SP140L: variants seen among roughly 807,000 people sequenced by gnomAD.
SP140L encodes nuclear body protein SP140-like protein.
A neutral mutation model predicts 84.3 loss-of-function variants in SP140L; 64 were observed. The observed-to-expected ratio is 0.76, with a 90% CI of 0.62 to 0.94. The LOEUF (loss-of-function observed/expected upper bound fraction) is 0.94. Ranked by LOEUF, SP140L falls within the 40% of genes least tolerant of loss-of-function variation. The pLI is 0.00. For synonymous variants in SP140L, 242 were observed against 236.9 expected (o/e 1.02, Z -0.20); for missense variants, 628 against 692.5 (o/e 0.91, Z 1.05).
rs1214926515 is a variant in SP140L at position 230,390,028 on chromosome 2, G to C, written c.964+5G>C. 3 of 1,609,010 alleles carry C rather than the reference G, an allele frequency of 1.9e-6. No individual in the cohort carries two copies. Among genetic ancestry groups the C allele is most frequent in the Non-Finnish European group, 2.5e-6 (3 of 1,177,166 alleles). ...ATAAGGAGAAATTGGAACAAGGTGG[G>C]TTTCATAGTCTTCTTTAATTTGCAG... is the stretch of plus-strand genomic sequence containing the variant. On this transcript the variant is annotated splice_donor_5th_base_variant and intron_variant, in intron 11 of 18. Transcript: ENST00000415673.
intron 2 of SP140L, among the ~76,000 whole-genome samples, chr2:230,347,792 C>G (rs2060253358): frequency 6.6e-6 from 1 of 152,216 alleles, no homozygotes; most frequent in African/African-American, 2.4e-5. Flanking sequence ...ACTAGGCACC[C>G]AAGCCAGTTA....
Position 230,400,548 on chromosome 2 carries a change from A to G in SP140L, c.1313+306A>G, listed in dbSNP as rs1330101472. The G allele has an allele frequency of 6.4e-6, 3 of 466,858 alleles. No homozygotes were observed. In the East Asian group the frequency reaches 1.2e-4, roughly 19 times the overall value. The allele number at this position is 466,858 out of a possible 1,614,324, so 28.9% of individuals were successfully genotyped here. On this transcript the variant is annotated intron_variant, in intron 15 of 18. Transcript: ENST00000415673. ...GGTCTCCTGTCCCAGGGGGTTGAGG[A>G]AAAAAAACACCAGTTGTTTATATTT... is the stretch of plus-strand genomic sequence containing the variant.
chr2:230,330,312 C>A (rs1271216570), intron 2 of SP140L, among the ~76,000 whole-genome samples: 2 of 152,148 alleles, frequency 1.3e-5, no homozygotes, highest in African/African-American at 2.4e-5. Context: ...ACCAGGTGGC[C>A]ATAGAGGCAG....
Position 230,400,293 on chromosome 2 carries a change from T to A in SP140L, c.1313+51T>A, listed in dbSNP as rs754072626. The stretch of plus-strand genomic sequence containing the variant: ...TTCATCCTTTAAGGGACCTTCCACC[T>A]GCCATGCGCACTCTCCAGCAGAATG... On this transcript the variant is annotated intron_variant, in intron 15 of 18. Coordinates refer to ENST00000415673, the MANE Select transcript of SP140L (RefSeq NM_138402.6). The A allele has an allele frequency of 2.1e-5, 33 of 1,560,090 alleles. No homozygotes were observed. In the East Asian group the frequency reaches 7.2e-4, roughly 34 times the overall value.
intron 8 of SP140L, among the ~76,000 whole-genome samples, 194 bp downstream of exon 8, chr2:230,383,769 T>C (rs2061482775): frequency 6.6e-6 from 1 of 152,186 alleles, no homozygotes; most frequent in South Asian, 2.1e-4. Flanking sequence ...CTAATGCATG[T>C]AATAGTCCAG....
intron 15 of SP140L, 163 bp from the exon 16 acceptor site, chr2:230,400,792 G>A: frequency 1.3e-6 from 2 of 1,512,414 alleles, no homozygotes; most frequent in Non-Finnish European, 1.8e-6. Context: ...AAAGGCCAGT[G>A]GCTGGAGACC....
chr2:230,352,405 A>G (rs2060390646), intron 2 of SP140L, among the ~76,000 whole-genome samples: 1 of 152,202 alleles, frequency 6.6e-6, no homozygotes, highest in Admixed American at 6.5e-5. Flanking sequence ...GGTGAAGGGA[A>G]GCAGGCACCT....
intron 7 of SP140L, among the ~76,000 whole-genome samples, chr2:230,379,969 A>T (rs6738151): frequency 0.23 from 34,880 of 152,062 alleles, 4,200 homozygotes; most frequent in Non-Finnish European, 0.28. Flanking sequence ...AGATTCACAA[A>T]TAACATTGTA....
chr2:230,388,507 T>C, intron 9 of SP140L, 52 bp from the exon 10 acceptor site: 1 of 1,481,006 alleles, frequency 6.8e-7, no homozygotes, highest in Non-Finnish European at 9.2e-7. Context: ...CAGCAATATA[T>C]GTAACACAGC....
chr2:230,368,409 A>G (rs888891029), intron 5 of SP140L, among the ~76,000 whole-genome samples: 2 of 152,086 alleles, frequency 1.3e-5, no homozygotes, highest in African/African-American at 4.8e-5. Flanking sequence ...ATCCTCTCTA[A>G]GTTCTTGAAT....
In SP140L at chr2:230,387,056, A is replaced by G. The variant is rs115178108; in HGVS notation, c.785-1503A>G. On this transcript the variant is annotated intron_variant, in intron 9 of 18. Coordinates refer to ENST00000415673, the MANE Select transcript of SP140L (RefSeq NM_138402.6). ...GAGTCCACTTGGCATCTTGCGTGGG[A>G]GAGGAGGGGAGGAGAGCTTCTCAGA... is the stretch of plus-strand genomic sequence containing the variant. Among the ~76,000 whole-genome samples, 637 of 152,246 alleles carry G rather than the reference A, an allele frequency of 4.2e-3. 7 individuals are homozygous for G. Among genetic ancestry groups the G allele is most frequent in the African/African-American group, 0.014 (586 of 41,544 alleles).
At chr2:230,337,811 G>A (rs184323938) in intron 2 of SP140L, among the ~76,000 whole-genome samples, 3,612 of 152,096 alleles carry the variant, frequency 0.024, 147 homozygotes, top group African/African-American at 0.082. Flanking sequence ...TTGTAGATAC[G>A]CAGCGTTATT....
intron 4 of SP140L, among the ~76,000 whole-genome samples, 181 bp from the exon 5 acceptor site, chr2:230,361,433 G>A (rs1048893996): frequency 1.3e-5 from 2 of 152,048 alleles, no homozygotes; most frequent in Non-Finnish European, 2.9e-5. Context: ...CCCTTTCTGT[G>A]TAGGACACAT....
intron 2 of SP140L, among the ~76,000 whole-genome samples, chr2:230,346,738 T>C (rs895739223): frequency 1.2e-4 from 18 of 152,200 alleles, no homozygotes; most frequent in Admixed American, 1.2e-3. Context: ...GTTTGTTTAA[T>C]GGTTCCTATT....
intron 11 of SP140L, among the ~76,000 whole-genome samples, chr2:230,390,810 A>G (rs1360006301): frequency 6.6e-6 from 1 of 152,196 alleles, no homozygotes; most frequent in African/African-American, 2.4e-5. Flanking sequence ...TTGTACAGCC[A>G]TTATTATCAC....
chr2:230,389,652 C>G (rs1240511553), intron 10 of SP140L, among the ~76,000 whole-genome samples: 1 of 152,162 alleles, frequency 6.6e-6, no homozygotes, highest in Non-Finnish European at 1.5e-5. Flanking sequence ...GTGGAGCTTA[C>G]TACACTGGAA....
intron 2 of SP140L, among the ~76,000 whole-genome samples, chr2:230,344,698 T>A (rs2060159107): frequency 6.6e-6 from 1 of 152,252 alleles, no homozygotes; most frequent in Non-Finnish European, 1.5e-5. Flanking sequence ...TTCCATAGTG[T>A]TTTGTTTTCA....
In SP140L at chr2:230,343,975, T is replaced by C. The variant is rs144005732; in HGVS notation, c.108-13830T>C. On this transcript the variant is annotated intron_variant, in intron 2 of 18. Coordinates refer to ENST00000415673, the MANE Select transcript of SP140L (RefSeq NM_138402.6). Reference sequence around the variant, plus strand: ...CAACTTTTGACTAAGTGCTGTGTGGTGATGGGAAGAATGTGTATTCTGTTG... The same window carrying C: ...CAACTTTTGACTAAGTGCTGTGTGGCGATGGGAAGAATGTGTATTCTGTTG... 9.9e-4 allele frequency among the ~76,000 whole-genome samples: 151 copies of C among 152,300 alleles called. No individual in the cohort carries two copies. The Middle Eastern group carries it at 0.01, about 10-fold the overall frequency.
At chr2:230,331,817 A>G (rs771022190) in intron 2 of SP140L, among the ~76,000 whole-genome samples, 2 of 152,148 alleles carry the variant, frequency 1.3e-5, no homozygotes, top group Non-Finnish European at 2.9e-5. Flanking sequence ...TGTGCATAGG[A>G]GACTTTCTAA....
Sources: gnomAD v4.1 joint callset for allele counts (sites outside exome capture counted in the v4.1 genomes callset) on GRCh38, gnomAD v4.1.1 for gene constraint, MANE v1.5 for transcripts, NCBI Gene and HGNC (gene_info 2026-07-23, HGNC 2026-07-21) for gene names.